STAU2: variants seen among roughly 807,000 people sequenced by gnomAD.
STAU2 encodes the protein double-stranded RNA-binding protein Staufen homolog 2.
STAU2 carries 20 observed loss-of-function variants against 65.9 expected under a neutral mutation model. The observed-to-expected ratio is 0.30, with a 90% CI of 0.21 to 0.44. The LOEUF (loss-of-function observed/expected upper bound fraction) is 0.44. Ranked by LOEUF, STAU2 falls within the 20% of genes least tolerant of loss-of-function variation. STAU2 has a pLI of 1.00. For missense variants in STAU2, 558 were observed against 683.9 expected, an observed-to-expected ratio of 0.82 and a Z score of 2.05; for synonymous variants, 232 against 233.9, an observed-to-expected ratio of 0.99 and a Z score of 0.07.
chr8:73,644,364 G>C (rs1044427753), intron 6 of STAU2, among the ~76,000 whole-genome samples: 2 of 151,946 alleles, frequency 1.3e-5, no homozygotes, highest in Non-Finnish European at 2.9e-5. Context: ...AGGATCACTT[G>C]AGCCCAGGAG....
At chr8:73,573,851 G>C (rs533990120) in intron 12 of STAU2, among the ~76,000 whole-genome samples, 15 of 152,038 alleles carry the variant, frequency 9.9e-5, no homozygotes, top group South Asian at 4.2e-4. Context: ...TGGGCAAGGA[G>C]TTCATGACTA....
intron 6 of STAU2, among the ~76,000 whole-genome samples, chr8:73,621,229 G>T (rs1383992193): frequency 6.6e-6 from 1 of 152,066 alleles, no homozygotes; most frequent in Non-Finnish European, 1.5e-5. Context: ...TTCCCCCATG[G>T]TATTCTCATG....
At chr8:73,473,813 A>T (rs532023344) in intron 13 of STAU2, among the ~76,000 whole-genome samples, 1 of 152,358 alleles carries the variant, frequency 6.6e-6, no homozygotes, top group South Asian at 2.1e-4. Flanking sequence ...TAGAACACTT[A>T]GACCCACCTC....
At chr8:73,431,159 T>C (rs1312175817) in intron 13 of STAU2, among the ~76,000 whole-genome samples, 3 of 152,226 alleles carry the variant, frequency 2.0e-5, no homozygotes, top group South Asian at 2.1e-4. Context: ...ATTTCAAAGA[T>C]ACACTAACAT....
chr8:73,485,921 G>C (rs1205613552), intron 13 of STAU2, among the ~76,000 whole-genome samples: 1 of 152,120 alleles, frequency 6.6e-6, no homozygotes, highest in Non-Finnish European at 1.5e-5. Flanking sequence ...GAAATAAATA[G>C]TCAGGAAAGC....
In STAU2 at chr8:73,466,015, C is replaced by T. The variant is rs548398834; in HGVS notation, c.1531-43313G>A. 2.6e-5 allele frequency among the ~76,000 whole-genome samples: 4 copies of T among 152,268 alleles called. No individual in the cohort carries two copies. The East Asian group carries it at 7.7e-4, about 29-fold the overall frequency. The stretch of plus-strand genomic sequence containing the variant: ...ATTTTTAGTAGAGACAGGGTTTCGC[C>T]ATGTTGGCTCACCCCTGTTTTCAAA... On this transcript the variant is annotated intron_variant, in intron 13 of 14. Transcript: ENST00000524300.
chr8:73,614,012 A>G lies in STAU2; in HGVS notation c.679-56T>C, dbSNP rs1248730169. On this transcript the variant is annotated intron_variant, in intron 8 of 14. Transcript: ENST00000524300. ...GGATAGGCACTTGAGATGTATTCTT[A>G]AAGTATGACTTAATATTCATATCAA... 9 of 1,378,096 alleles carry G rather than the reference A, an allele frequency of 6.5e-6. No individual in the cohort carries two copies. The Admixed American group carries it at 7.6e-5, about 12-fold the overall frequency. 85.4% of individuals were successfully genotyped at this position (1,378,096 alleles called of 1,614,324 possible). A position where few individuals can be genotyped will look rare whatever the true frequency, so the allele number is the denominator to read the frequency against.
intron 13 of STAU2, among the ~76,000 whole-genome samples, chr8:73,494,755 TCAA>T (rs1490248213): frequency 1.5e-4 from 22 of 151,702 alleles, no homozygotes; most frequent in Non-Finnish European, 7.4e-5. Context: ...TTAAAAATGA[TCAA>T]CAACAATAAA....
chr8:73,582,671 G>A, intron 12 of STAU2, 99 bp downstream of exon 12: 2 of 1,062,734 alleles, frequency 1.9e-6, no homozygotes, highest in Non-Finnish European at 2.9e-6. Context: ...ACTTAACACA[G>A]CCTCTCAGAC....
At chr8:73,483,467 T>C (rs1260344660) in intron 13 of STAU2, among the ~76,000 whole-genome samples, 3 of 152,084 alleles carry the variant, frequency 2.0e-5, no homozygotes, top group Non-Finnish European at 4.4e-5. Flanking sequence ...TTTCTTGATA[T>C]TGAATTTTTC....
At chr8:73,735,877 C>A (rs1271163731) in intron 3 of STAU2, among the ~76,000 whole-genome samples, 3 of 152,170 alleles carry the variant, frequency 2.0e-5, no homozygotes, top group Non-Finnish European at 4.4e-5. Context: ...ATAAAATGGT[C>A]ATTTCCAAAT....
At chr8:73,640,045 A>G (rs963026356) in intron 6 of STAU2, among the ~76,000 whole-genome samples, 34 of 152,136 alleles carry the variant, frequency 2.2e-4, no homozygotes, top group African/African-American at 8.2e-4. Flanking sequence ...ATCATATGAA[A>G]TAATTATTTT....
intron 11 of STAU2, among the ~76,000 whole-genome samples, chr8:73,591,951 G>A (rs1586076270): frequency 7.7e-6 from 1 of 129,920 alleles, no homozygotes; most frequent in East Asian, 3.0e-4. Context: ...TTGTCAAAAT[G>A]TGTAGGGCAG....
In STAU2 at chr8:73,421,429, G is replaced by A; in HGVS notation, c.1656C>T (p.Asn552=). 3 of 1,537,286 alleles carry A rather than the reference G, an allele frequency of 2.0e-6. No individual in the cohort carries two copies. The highest frequency in any genetic ancestry group is 1.7e-6 in the Non-Finnish European group (2 of 1,146,924). The part of the protein sequence containing the change: ...AKHLREKADN[N]QAPPGSIAQD... ...GAGCGATGGAGCCCGGGGGTGCCTG[G>A]TTATTGTCCGCTTTCTCTCTCAGAT... The change falls in exon 15 of 15, where the codon AAC becomes AAT. Residue 552 remains asparagine (N), a synonymous_variant. Coordinates refer to ENST00000524300, the MANE Select transcript of STAU2 (RefSeq NM_001164380.2).
At chr8:73,479,599 AAAAT>A (rs1820504874) in intron 13 of STAU2, among the ~76,000 whole-genome samples, 1 of 152,058 alleles carries the variant, frequency 6.6e-6, no homozygotes, top group African/African-American at 2.4e-5. Flanking sequence ...ACAGTAGAAA[AAAAT>A]AAACAAGCAC....
intron 13 of STAU2, among the ~76,000 whole-genome samples, chr8:73,461,338 C>G (rs1260723914): frequency 1.3e-5 from 2 of 152,068 alleles, no homozygotes; most frequent in Non-Finnish European, 2.9e-5. Flanking sequence ...CTGAGTATTT[C>G]CTAGTAAGGG....
intron 12 of STAU2, among the ~76,000 whole-genome samples, chr8:73,559,855 T>G (rs76215298): frequency 6.6e-6 from 1 of 152,156 alleles, no homozygotes; most frequent in African/African-American, 2.4e-5. Context: ...TTCTGCCTAA[T>G]TTTTAAGCCA....
intron 13 of STAU2, among the ~76,000 whole-genome samples, chr8:73,478,984 T>C (rs940194231): frequency 6.6e-6 from 1 of 152,120 alleles, no homozygotes; most frequent in African/African-American, 2.4e-5. Context: ...AAAAATGTAT[T>C]ACATATCATA....
At chr8:73,500,332 G>A (rs1821673577) in intron 13 of STAU2, among the ~76,000 whole-genome samples, 1 of 151,870 alleles carries the variant, frequency 6.6e-6, no homozygotes, top group South Asian at 2.1e-4. Flanking sequence ...CTTCGTTGGT[G>A]TGGATTCAAC....
Sources: allele counts gnomAD v4.1 joint callset (sites outside exome capture counted in the v4.1 genomes callset), GRCh38; gene constraint gnomAD v4.1.1; transcripts MANE v1.5; gene names NCBI Gene and HGNC (gene_info 2026-07-23, HGNC 2026-07-21).